Variants in NANOS3 observed in about 807,000 individuals in gnomAD.
NANOS3 encodes nanos homolog 3.
A neutral mutation model predicts 13.8 loss-of-function variants in NANOS3; 11 were observed. The observed-to-expected ratio is 0.80, with a 90% CI of 0.50 to 1.32. NANOS3 has a LOEUF of 1.32. Among genes scored for constraint, NANOS3 ranks in the 40% most tolerant of loss-of-function variants. The pLI is 0.00. For synonymous variants in NANOS3, 119 were observed against 115.4 expected (o/e 1.03, Z -0.20); for missense variants, 221 against 263.8 (o/e 0.84, Z 1.12).
At chr19:13,862,327 T>C (rs1384653664), upstream of NANOS3, 1 of 151,454 alleles carries the variant, frequency 6.6e-6, no homozygotes, top group Non-Finnish European at 1.5e-5. Flanking sequence ...TCAGCTACCG[T>C]GGAGTGGGAG....
intron 1 of NANOS3, among the ~76,000 whole-genome samples, chr19:13,871,993 C>T (rs1203463612): frequency 3.3e-5 from 5 of 151,518 alleles, no homozygotes; most frequent in Admixed American, 1.3e-4. Flanking sequence ...AGCGAGACCC[C>T]GTCTCAAAAC....
upstream of NANOS3, among the ~76,000 whole-genome samples, chr19:13,864,211 GA>G (rs1296337248): frequency 6.6e-6 from 1 of 152,054 alleles, no homozygotes; most frequent in Non-Finnish European, 1.5e-5. Context: ...TGGGCAGGGG[GA>G]GGGGGGATGT....
chr19:13,879,073 G>C (rs974465805), intron 1 of NANOS3, among the ~76,000 whole-genome samples: 9 of 151,984 alleles, frequency 5.9e-5, no homozygotes, highest in African/African-American at 1.9e-4. Context: ...CCGAGTAGCT[G>C]GGATTACAGG....
At position 13,877,468 on chromosome 19, in the gene NANOS3, G is replaced by A. The variant is rs202144396; in HGVS notation, c.220G>A (p.Glu74Lys). 4.3e-6 allele frequency: 7 copies of A among 1,611,486 alleles called. No homozygotes were observed. Among genetic ancestry groups the A allele is most frequent in the Middle Eastern group, 1.6e-4 (1 of 6,062 alleles). ...CAGCCTGGAGTCCTCGCCAGCTCCCGAACGCCTGTGCTCTTTCTGCAAACA... is the reference window on the plus strand; with the variant it reads ...CAGCCTGGAGTCCTCGCCAGCTCCCAAACGCCTGTGCTCTTTCTGCAAACA... ...KRSLESSPAP[E>K]RLCSFCKHNG... The change falls in exon 1 of 2, where the codon GAA (glutamate) becomes AAA (lysine). Residue 74 changes from glutamate to lysine, a missense_variant. Around this residue, in one of 3 missense-constraint regions of NANOS3, gnomAD observed 112 missense variants for 116.3 expected, o/e 0.96. Coordinates refer to ENST00000339133, the MANE Select transcript of NANOS3 (RefSeq NM_001098622.3).
chr19:13,869,774 G>A (rs891914364), intron 1 of NANOS3, among the ~76,000 whole-genome samples: 2 of 144,362 alleles, frequency 1.4e-5, no homozygotes, highest in African/African-American at 5.1e-5. Context: ...ACACACGCAC[G>A]CACACACACA....
At position 13,878,220 on chromosome 19, in the gene NANOS3, C is replaced by T. The variant is rs957178020; in HGVS notation, c.517+455C>T. 6.7e-5 allele frequency among the ~76,000 whole-genome samples: 10 copies of T among 149,462 alleles called. No individual in the cohort carries two copies. The Admixed American group carries it at 6.7e-4, about 10-fold the overall frequency. ...TGAGATTACAGGCGTGAGCACCGCA[C>T]CGAGCCAGTTTGTTTATGTATTTAT... On this transcript the variant is annotated intron_variant, in intron 1 of 1. Transcript: ENST00000339133.
At chr19:13,871,329 C>T (rs1033892507) in intron 1 of NANOS3, among the ~76,000 whole-genome samples, 3 of 152,090 alleles carry the variant, frequency 2.0e-5, no homozygotes, top group African/African-American at 7.2e-5. Flanking sequence ...GGGCATAGTC[C>T]GACCCAGACA....
At chr19:13,871,266 G>C (rs1454450048) in intron 1 of NANOS3, among the ~76,000 whole-genome samples, 1 of 152,156 alleles carries the variant, frequency 6.6e-6, no homozygotes, top group Non-Finnish European at 1.5e-5. Flanking sequence ...CAGACAGTTT[G>C]AGGCAGGTGC....
rs1405531977 is a variant in NANOS3 at position 13,877,701 on chromosome 19, G to A, written c.453G>A (p.Leu151=). Residue 151 remains leucine, a synonymous_variant, in exon 1 of 2, where the codon CTG becomes CTA. Coordinates refer to ENST00000339133, the MANE Select transcript of NANOS3 (RefSeq NM_001098622.3). The part of the protein sequence containing the change: ...HTTRNSAGKK[L]VRPDKAKTQD... ...CCCGAAACTCGGCAGGCAAGAAGCT[G>A]GTCCGGCCTGACAAGGCGAAGACAC... The A allele has an allele frequency of 1.2e-6, 2 of 1,608,232 alleles. No homozygotes were observed. The highest frequency in any genetic ancestry group is 2.2e-5 in the South Asian group (2 of 90,558).
At chr19:13,866,271 T>TGG (rs374017170) in intron 1 of NANOS3, among the ~76,000 whole-genome samples, 17 of 150,590 alleles carry the variant, frequency 1.1e-4, no homozygotes, top group African/African-American at 4.2e-4. Flanking sequence ...AGGCTGGGGG[T>TGG]GGGGGGGTGG....
At chr19:13,869,689 T>A (rs1389324542) in intron 1 of NANOS3, among the ~76,000 whole-genome samples, 1 of 150,928 alleles carries the variant, frequency 6.6e-6, no homozygotes. Flanking sequence ...ACCCCCATAA[T>A]GGGCTCTTTG....
chr19:13,863,969 G>T (rs542137501), upstream of NANOS3, among the ~76,000 whole-genome samples: 3 of 152,196 alleles, frequency 2.0e-5, no homozygotes, highest in African/African-American at 7.2e-5. Flanking sequence ...TCTGGGCTTG[G>T]AAGGGGGCCA....
intron 1 of NANOS3, among the ~76,000 whole-genome samples, chr19:13,878,791 TC>T (rs1165493166): frequency 6.6e-6 from 1 of 151,064 alleles, no homozygotes; most frequent in Non-Finnish European, 1.5e-5. Context: ...GTTTTTTTTT[TC>T]CTCCCATAGA....
At chr19:13,870,054 AT>A (rs112665118) in intron 1 of NANOS3, among the ~76,000 whole-genome samples, 23,748 of 144,214 alleles carry the variant, frequency 0.16, 2,739 homozygotes, top group African/African-American at 0.34. Context: ...TTCTTCAACT[AT>A]TTTTTTTTTT....
chr19:13,869,585 A>G (rs1976293127), intron 1 of NANOS3, among the ~76,000 whole-genome samples: 1 of 152,028 alleles, frequency 6.6e-6, no homozygotes, highest in Admixed American at 6.5e-5. Context: ...CGCAGGTATC[A>G]CTGAAACGAG....
chr19:13,866,103 C>G (rs1440891484), intron 1 of NANOS3, among the ~76,000 whole-genome samples: 1 of 152,156 alleles, frequency 6.6e-6, no homozygotes, highest in African/African-American at 2.4e-5. Flanking sequence ...CTGTCATTAC[C>G]GGCAGCAGCT....
At chr19:13,875,262 C>A (rs532089220), upstream of NANOS3, among the ~76,000 whole-genome samples, 7 of 151,810 alleles carry the variant, frequency 4.6e-5, no homozygotes, top group South Asian at 1.5e-3. Context: ...TCTCAGCTCA[C>A]TGCAACCTCT....
Position 13,880,619 on chromosome 19 carries a change from G to A in NANOS3, c.*116G>A. 1 of 881,744 alleles carries A rather than the reference G, an allele frequency of 1.1e-6. No homozygotes were observed. The highest frequency in any genetic ancestry group is 1.8e-6 in the Non-Finnish European group (1 of 545,238). 54.6% of individuals were successfully genotyped at this position (881,744 alleles called of 1,614,324 possible). A position where few individuals can be genotyped will look rare whatever the true frequency, so the allele number is the denominator to read the frequency against. On this transcript the variant is annotated 3_prime_UTR_variant, in exon 2 of 2. Transcript: ENST00000339133. The stretch of plus-strand genomic sequence containing the variant: ...TCCCCCCAGCCTGGGATTGAGCCCT[G>A]GGGATGACCCGGGGTTGGCAAGGGA...
intron 1 of NANOS3, among the ~76,000 whole-genome samples, chr19:13,865,930 G>A (rs1231069245): frequency 6.6e-6 from 1 of 151,876 alleles, no homozygotes; most frequent in Non-Finnish European, 1.5e-5. Context: ...ACGGCCCGGC[G>A]CGCGCGCGTT....
Sources: allele counts gnomAD v4.1 joint callset (sites outside exome capture counted in the v4.1 genomes callset), GRCh38; gene constraint gnomAD v4.1.1; regional missense constraint gnomAD v4.1.1; transcripts MANE v1.5; gene names NCBI Gene and HGNC (gene_info 2026-07-23, HGNC 2026-07-21).